The following DPYD variants were observed in gnomAD, a reference collection of about 807,000 sequenced individuals.
The protein encoded by DPYD is dihydropyrimidine dehydrogenase [NADP(+)].
Under a neutral mutation model 116.2 loss-of-function variants are expected in DPYD, and 109 were observed. The observed-to-expected ratio is 0.94, with a 90% CI of 0.80 to 1.10. DPYD has a LOEUF of 1.10. DPYD is among the 50% of genes least tolerant of loss of function. The pLI is 0.00. For missense variants in DPYD, 1,302 were observed against 1,254.5 expected (o/e 1.04, Z -0.57); for synonymous variants, 440 against 432.0 (o/e 1.02, Z -0.23).
intron 19 of DPYD, among the ~76,000 whole-genome samples, chr1:97,213,668 T>G (rs1327782988): frequency 6.6e-6 from 1 of 152,212 alleles, no homozygotes; most frequent in Admixed American, 6.6e-5. Context: ...ACTAATAAAA[T>G]GTACCTGTCC....
chr1:97,658,590 T>C (rs187161358), intron 8 of DPYD, among the ~76,000 whole-genome samples: 394 of 151,922 alleles, frequency 2.6e-3, no homozygotes, highest in Non-Finnish European at 3.9e-3. Context: ...ACTTAAATAA[T>C]AATTAATTAC....
At chr1:97,254,855 C>G (rs1663345797) in intron 18 of DPYD, among the ~76,000 whole-genome samples, 1 of 152,118 alleles carries the variant, frequency 6.6e-6, no homozygotes, top group African/African-American at 2.4e-5. Context: ...ATCTCACTTG[C>G]TAAGTGTATG....
chr1:97,337,840 C>G (rs1669380765), intron 16 of DPYD, among the ~76,000 whole-genome samples: 1 of 152,216 alleles, frequency 6.6e-6, no homozygotes, highest in East Asian at 1.9e-4. Context: ...TGTGCCAATA[C>G]TGGGCAAGGG....
chr1:97,163,780 C>G (rs1656104383), intron 20 of DPYD, among the ~76,000 whole-genome samples: 1 of 152,122 alleles, frequency 6.6e-6, no homozygotes, highest in South Asian at 2.1e-4. Context: ...CTTCCAAAGA[C>G]CACATCTCTT....
chr1:97,451,259 TA>T (rs1676397633), intron 13 of DPYD, among the ~76,000 whole-genome samples: 1 of 152,126 alleles, frequency 6.6e-6, no homozygotes, highest in Admixed American at 6.5e-5. Context: ...AAACCTTAAT[TA>T]GCATTAATTA....
intron 18 of DPYD, among the ~76,000 whole-genome samples, chr1:97,302,885 A>G (rs1461370048): frequency 6.6e-6 from 1 of 152,000 alleles, no homozygotes; most frequent in Non-Finnish European, 1.5e-5. Flanking sequence ...TTGGGAACCA[A>G]CCTTTGAAAG....
chr1:97,862,960 C>T (rs1012635562), intron 2 of DPYD, among the ~76,000 whole-genome samples: 1 of 151,554 alleles, frequency 6.6e-6, no homozygotes, highest in African/African-American at 2.4e-5. Context: ...AACTGTAATA[C>T]GAAAAATACT....
At chr1:97,356,077 T>C (rs1052708862) in intron 16 of DPYD, among the ~76,000 whole-genome samples, 1 of 152,178 alleles carries the variant, frequency 6.6e-6, no homozygotes, top group African/African-American at 2.4e-5. Context: ...TTTCTCTGCA[T>C]CTTCTCCAAC....
intron 12 of DPYD, among the ~76,000 whole-genome samples, chr1:97,525,787 AGAGT>A (rs1451700825): frequency 7.5e-5 from 11 of 146,154 alleles, no homozygotes; most frequent in South Asian, 2.2e-4. Context: ...AGAGAGAGAG[AGAGT>A]GTGTGTGTGT....
At chr1:97,636,880 G>T (rs1178730184) in intron 8 of DPYD, among the ~76,000 whole-genome samples, 6 of 152,112 alleles carry the variant, frequency 3.9e-5, no homozygotes, top group African/African-American at 1.2e-4. Context: ...CCTACCCAGG[G>T]TCAGTAAGAA....
chr1:97,257,452 T>TATATAGAG (rs375490078), intron 18 of DPYD, among the ~76,000 whole-genome samples: 208 of 126,464 alleles, frequency 1.6e-3, no homozygotes, highest in African/African-American at 5.6e-3. Context: ...TATATATATA[T>TATATAGAG]AGAGAGAGAG....
intron 14 of DPYD, among the ~76,000 whole-genome samples, chr1:97,399,443 T>C (rs1349403582): frequency 6.6e-6 from 1 of 152,146 alleles, no homozygotes; most frequent in East Asian, 1.9e-4. Flanking sequence ...CTTTTTTGGT[T>C]CCATATGAAC....
intron 21 of DPYD, among the ~76,000 whole-genome samples, chr1:97,097,439 A>T (rs556182460): frequency 1.1e-3 from 172 of 152,280 alleles, no homozygotes; most frequent in African/African-American, 3.9e-3. Context: ...TTCAGCTGAT[A>T]TTTCAAACAG....
intron 20 of DPYD, among the ~76,000 whole-genome samples, chr1:97,156,037 G>A (rs1419798028): frequency 6.6e-6 from 1 of 152,136 alleles, no homozygotes; most frequent in Non-Finnish European, 1.5e-5. Context: ...TGGGTACCAT[G>A]TTGTGAGTAG....
chr1:97,595,140 T>A lies in DPYD; in HGVS notation c.877A>T (p.Ile293Phe), dbSNP rs779925747. Residue 293 changes from isoleucine (I) to phenylalanine (F), a missense_variant, in exon 9 of 23, where the codon ATC becomes TTC. Transcript: ENST00000370192. ...TGGTCCTGCGTCAGGCCTTGGAAGA[T>A]GGCATCTTTATTGGGTTCTGGCAAA... ...IGLPEPNKDA[I>F]FQGLTQDQGF... 3 of 1,613,592 alleles carry A rather than the reference T, an allele frequency of 1.9e-6. No individual in the cohort carries two copies. The highest frequency in any genetic ancestry group is 1.7e-5 in the Admixed American group (1 of 59,994).
intron 12 of DPYD, among the ~76,000 whole-genome samples, chr1:97,540,320 G>A (rs1410160849): frequency 1.5e-5 from 2 of 130,944 alleles, no homozygotes; most frequent in East Asian, 2.5e-4. Context: ...TACAGAACCC[G>A]GGGTGGGGGG....
intron 19 of DPYD, among the ~76,000 whole-genome samples, chr1:97,195,361 T>G (rs1658675108): frequency 6.6e-6 from 1 of 151,682 alleles, no homozygotes; most frequent in South Asian, 2.1e-4. Flanking sequence ...AATAAGATTC[T>G]ATTTCAAAGA....
rs1466572915 is a variant in DPYD at position 97,878,850 on chromosome 1, G to A, written c.150+4414C>T. Among the ~76,000 whole-genome samples the A allele has an allele frequency of 2.6e-5, 4 of 151,928 alleles. No homozygotes were observed. In the East Asian group the frequency reaches 7.8e-4, roughly 30 times the overall value. On this transcript the variant is annotated intron_variant, in intron 2 of 22. Coordinates refer to ENST00000370192, the MANE Select transcript of DPYD (RefSeq NM_000110.4). Reference sequence around the variant, plus strand: ...CTTCAAAACAATGTGAGAACTTCTTGGCAAGGCCTATGTCACATAAATTTC... The same window carrying A: ...CTTCAAAACAATGTGAGAACTTCTTAGCAAGGCCTATGTCACATAAATTTC...
At chr1:97,103,933 C>T (rs560065353) in intron 20 of DPYD, among the ~76,000 whole-genome samples, 1 of 152,162 alleles carries the variant, frequency 6.6e-6, no homozygotes, top group South Asian at 2.1e-4. Flanking sequence ...CTCATGCATC[C>T]CCTCTGCCAG....
Sources: gnomAD v4.1 joint callset for allele counts (sites outside exome capture counted in the v4.1 genomes callset) on GRCh38, gnomAD v4.1.1 for gene constraint, MANE v1.5 for transcripts, NCBI Gene and HGNC (gene_info 2026-07-23, HGNC 2026-07-21) for gene names.